The following SLC35D4 variants were observed in gnomAD, a reference collection of about 807,000 sequenced individuals.
The protein encoded by SLC35D4 is solute carrier family 35 member D4, also known as UDP-N-acetylglucosamine transporter SLC35D4.
chr18:23,410,350 G>GGGCT, the SLC35D4 span, among the ~76,000 whole-genome samples: 2 of 151,938 alleles, frequency 1.3e-5, no homozygotes, highest in African/African-American at 4.8e-5. Context: ...GGTGGTGGGC[G>GGGCT]CCTGTAGTCC....
the SLC35D4 span, among the ~76,000 whole-genome samples, chr18:23,434,978 C>T: frequency 0.027 from 4,027 of 151,542 alleles, 60 homozygotes; most frequent in Middle Eastern, 0.062. Flanking sequence ...GCCAACATGA[C>T]GAAACTCCAT....
the SLC35D4 span, among the ~76,000 whole-genome samples, chr18:23,285,452 T>C: frequency 1.3e-3 from 194 of 152,290 alleles, no homozygotes; most frequent in Non-Finnish European, 2.2e-3. Flanking sequence ...TAGTTCCAAA[T>C]AGCCAGAAAA....
the SLC35D4 span, among the ~76,000 whole-genome samples, chr18:23,397,038 C>T: frequency 1.3e-5 from 2 of 152,134 alleles, no homozygotes; most frequent in African/African-American, 2.4e-5. Flanking sequence ...CTGACATTTA[C>T]CATGGTCTTC....
At chr18:23,291,308 A>G in the SLC35D4 span, among the ~76,000 whole-genome samples, 1 of 152,250 alleles carries the variant, frequency 6.6e-6, no homozygotes, top group African/African-American at 2.4e-5. Context: ...CTCAGAGGAC[A>G]GCCCACTTAT....
chr18:23,429,772 C>T, the SLC35D4 span, among the ~76,000 whole-genome samples: 1 of 152,166 alleles, frequency 6.6e-6, no homozygotes, highest in Non-Finnish European at 1.5e-5. Flanking sequence ...TGATGTTAAG[C>T]ACTTTTTCAT....
chr18:23,245,535 A>T, the SLC35D4 span, among the ~76,000 whole-genome samples: 1 of 150,932 alleles, frequency 6.6e-6, no homozygotes, highest in Non-Finnish European at 1.5e-5. Context: ...AATAGGTATC[A>T]GTGTTTCTGC....
chr18:23,268,577 G>A, the SLC35D4 span, among the ~76,000 whole-genome samples: 1 of 152,018 alleles, frequency 6.6e-6, no homozygotes, highest in Admixed American at 6.6e-5. Flanking sequence ...TTGAGGGGTT[G>A]TAGCAAGCAG....
chr18:23,325,989 A>T, the SLC35D4 span, among the ~76,000 whole-genome samples: 1 of 152,246 alleles, frequency 6.6e-6, no homozygotes, highest in South Asian at 2.1e-4. Context: ...GCATTTCAGA[A>T]TCCCCTTGCA....
the SLC35D4 span, among the ~76,000 whole-genome samples, chr18:23,293,899 C>T: frequency 6.6e-6 from 1 of 152,160 alleles, no homozygotes; most frequent in Admixed American, 6.5e-5. Context: ...TCAAGCAATC[C>T]TTCTGCCTCA....
chr18:23,409,389 A>G, the SLC35D4 span, among the ~76,000 whole-genome samples: 4 of 152,198 alleles, frequency 2.6e-5, no homozygotes, highest in African/African-American at 7.2e-5. Context: ...AGTCATCCCC[A>G]ATTTATCAAT....
At chr18:23,347,651 T>C in the SLC35D4 span, among the ~76,000 whole-genome samples, 151,731 of 152,316 alleles carry the variant, frequency 1, 75,579 homozygotes, top group Non-Finnish European at 1. Context: ...TCCTGAATTC[T>C]TGGGCTGAAG....
chr18:23,283,953 A>G, the SLC35D4 span, among the ~76,000 whole-genome samples: 3 of 152,356 alleles, frequency 2.0e-5, no homozygotes, highest in African/African-American at 7.2e-5. Context: ...CTTTCAGGAA[A>G]GAGATGGGCA....
the SLC35D4 span, among the ~76,000 whole-genome samples, chr18:23,437,118 A>C: frequency 6.6e-6 from 1 of 152,186 alleles, no homozygotes; most frequent in Non-Finnish European, 1.5e-5. Context: ...CGTGGTACCA[A>C]ACCTAAAGCC....
the SLC35D4 span, among the ~76,000 whole-genome samples, chr18:23,329,772 C>T: frequency 0.01 from 1,528 of 152,286 alleles, 26 homozygotes; most frequent in African/African-American, 0.035. Flanking sequence ...TTTATTGCAG[C>T]ACTATTCACA....
chr18:23,423,075 C>T, the SLC35D4 span, among the ~76,000 whole-genome samples: 2 of 152,264 alleles, frequency 1.3e-5, no homozygotes, highest in East Asian at 1.9e-4. Flanking sequence ...GACTTGCACC[C>T]GCCCCTCTCC....
At chr18:23,242,351 A>G in the SLC35D4 span, among the ~76,000 whole-genome samples, 1 of 152,184 alleles carries the variant, frequency 6.6e-6, no homozygotes. Flanking sequence ...TCAAGTTTCT[A>G]GAAGGTGACC....
chr18:23,273,301 C>T, the SLC35D4 span, among the ~76,000 whole-genome samples: 47 of 152,152 alleles, frequency 3.1e-4, no homozygotes, highest in African/African-American at 1.1e-3. Context: ...AAGTACTCCT[C>T]GACTGCAAAA....
At chr18:23,432,979 CAA>C in the SLC35D4 span, among the ~76,000 whole-genome samples, 20 of 98,354 alleles carry the variant, frequency 2.0e-4, no homozygotes, top group East Asian at 5.2e-4. Context: ...GACTCTGTCT[CAA>C]AAAAAAAAAA....
chr18:23,430,814 AC>A, the SLC35D4 span: 1 of 770,054 alleles, frequency 1.3e-6, no homozygotes, highest in Non-Finnish European at 2.0e-6. Context: ...CATTATTCCC[AC>A]CAAAATCACA....
Sources: gnomAD v4.1 joint callset for allele counts (sites outside exome capture counted in the v4.1 genomes callset) on GRCh38, gnomAD v4.1.1 for gene constraint, MANE v1.5 for transcripts, NCBI Gene and HGNC (gene_info 2026-07-23, HGNC 2026-07-21) for gene names.